SUGCT: variants seen among roughly 807,000 people sequenced by gnomAD.
SUGCT encodes succinyl-CoA:glutarate CoA-transferase.
In SUGCT, 41 loss-of-function variants were observed where a neutral mutation model predicts 55.0. The ratio of observed to expected loss-of-function variants is 0.74; its 90% CI spans 0.58 to 0.97. The LOEUF (loss-of-function observed/expected upper bound fraction) is 0.97, where lower values mean the gene tolerates loss of function less well. Ranked by LOEUF, SUGCT falls within the 50% of genes least tolerant of loss-of-function variation. The pLI, the probability that SUGCT is intolerant of heterozygous loss-of-function variation, is 0.00. For missense variants in SUGCT, 568 were observed against 547.8 expected (o/e 1.04, Z -0.37); for synonymous variants, 187 against 200.4 (o/e 0.93, Z 0.56).
intron 7 of SUGCT, among the ~76,000 whole-genome samples, chr7:40,267,058 AAAAG>A (rs1791635720): frequency 6.6e-6 from 1 of 151,818 alleles, no homozygotes; most frequent in South Asian, 2.1e-4. Context: ...AAGGAAGAAA[AAAAG>A]AAAATAACAC....
chr7:40,713,187 C>A (rs551420968), intron 12 of SUGCT, among the ~76,000 whole-genome samples: 1 of 152,356 alleles, frequency 6.6e-6, no homozygotes, highest in East Asian at 1.9e-4. Context: ...GAAGCCTCCC[C>A]TGACTGGCAC....
the SUGCT span, among the ~76,000 whole-genome samples, chr7:40,934,195 C>G: frequency 6.6e-6 from 1 of 152,184 alleles, no homozygotes; most frequent in Non-Finnish European, 1.5e-5. Context: ...AGTCAGGTCC[C>G]TCAGCTGCAG....
At chr7:40,978,315 G>A in the SUGCT span, among the ~76,000 whole-genome samples, 1 of 152,220 alleles carries the variant, frequency 6.6e-6, no homozygotes, top group Admixed American at 6.5e-5. Context: ...GGCAGGGGTT[G>A]CTCTCCAGGC....
intron 13 of SUGCT, among the ~76,000 whole-genome samples, chr7:40,824,430 T>C (rs1266912066): frequency 1.3e-5 from 2 of 150,816 alleles, no homozygotes; most frequent in East Asian, 3.9e-4. Context: ...ACAGAGCACT[T>C]GTGCAGATAA....
chr7:40,194,840 T>G, intron 5 of SUGCT, 100 bp from the exon 6 acceptor site: 55 of 1,355,582 alleles, frequency 4.1e-5, no homozygotes, highest in Non-Finnish European at 4.9e-5. Context: ...GTGATTTTTC[T>G]GAGCTATTAC....
intron 9 of SUGCT, among the ~76,000 whole-genome samples, chr7:40,404,810 G>A (rs79724794): frequency 0.043 from 6,571 of 152,088 alleles, 467 homozygotes; most frequent in African/African-American, 0.15. Flanking sequence ...ATAACTTCTC[G>A]TAGAGAAAAA....
chr7:40,394,503 G>A (rs1159108386), intron 9 of SUGCT, among the ~76,000 whole-genome samples: 2 of 151,994 alleles, frequency 1.3e-5, no homozygotes, highest in African/African-American at 4.8e-5. Flanking sequence ...GATTTATATT[G>A]TGCAACATGA....
chr7:40,448,042 C>T (rs571756384), intron 9 of SUGCT, among the ~76,000 whole-genome samples: 1 of 152,144 alleles, frequency 6.6e-6, no homozygotes, highest in African/African-American at 2.4e-5. Context: ...CCACAGGAAC[C>T]TGTCACCAAA....
rs183404187 is a variant in SUGCT, at chr7:40,806,021, A to G, written c.1154-54295A>G. On this transcript the variant is annotated intron_variant, in intron 13 of 13. Coordinates refer to ENST00000335693, the MANE Select transcript of SUGCT (RefSeq NM_001193313.2). The stretch of plus-strand genomic sequence containing the variant: ...GGGAATCTGCTGAGAAGGGATGGCT[A>G]GATATACTTTCAAATCCTCAAATAT... 3.4e-4 allele frequency among the ~76,000 whole-genome samples: 52 copies of G among 152,350 alleles called. 1 individual carries two copies. In the East Asian group the frequency reaches 0.01, roughly 29 times the overall value.
chr7:40,494,292 AC>A (rs1791856811), intron 11 of SUGCT, among the ~76,000 whole-genome samples: 2 of 152,066 alleles, frequency 1.3e-5, no homozygotes, highest in South Asian at 4.1e-4. Flanking sequence ...AGTAATTGAC[AC>A]CCTATTCGAA....
chr7:40,483,606 G>T (rs546521620), intron 11 of SUGCT, among the ~76,000 whole-genome samples: 121 of 151,948 alleles, frequency 8.0e-4, no homozygotes, highest in African/African-American at 2.8e-3. Flanking sequence ...TATAGTCCAG[G>T]AGAAGAAATT....
rs934564636 is a variant in SUGCT at position 40,391,912 on chromosome 7, A to G, written c.817-57375A>G. Among the ~76,000 whole-genome samples the G allele has an allele frequency of 3.9e-5, 6 of 152,236 alleles. No homozygotes were observed. In the East Asian group the frequency reaches 9.6e-4, roughly 24 times the overall value. Reference sequence around the variant, plus strand: ...AGGTCCATCAATGATAGACTGGATTAAGAAAATATGACACACACACACCAT... The same window carrying G: ...AGGTCCATCAATGATAGACTGGATTGAGAAAATATGACACACACACACCAT... On this transcript the variant is annotated intron_variant, in intron 9 of 13. Transcript: ENST00000335693.
At chr7:40,488,435 A>G (rs1329589208) in intron 11 of SUGCT, among the ~76,000 whole-genome samples, 1 of 152,096 alleles carries the variant, frequency 6.6e-6, no homozygotes, top group Non-Finnish European at 1.5e-5. Context: ...ATATTCTTTA[A>G]CGAATTATCA....
At position 40,275,003 on chromosome 7, in the gene SUGCT, G is replaced by A. The variant is rs138422757; in HGVS notation, c.720+347G>A. 1.1e-4 allele frequency among the ~76,000 whole-genome samples: 16 copies of A among 152,242 alleles called. No individual in the cohort carries two copies. The East Asian group carries it at 3.1e-3, about 29-fold the overall frequency. ...TTTAGTAGAGATGGGGTTTCTCCATGTCGGTCAGGCTGGTCTCGAACTCCC... is the reference window on the plus strand; with the variant it reads ...TTTAGTAGAGATGGGGTTTCTCCATATCGGTCAGGCTGGTCTCGAACTCCC... On this transcript the variant is annotated intron_variant, in intron 8 of 13. Coordinates refer to ENST00000335693, the MANE Select transcript of SUGCT (RefSeq NM_001193313.2).
the SUGCT span, among the ~76,000 whole-genome samples, chr7:40,992,357 C>A: frequency 6.6e-6 from 1 of 152,122 alleles, no homozygotes; most frequent in Non-Finnish European, 1.5e-5. Context: ...ACTTTCATGG[C>A]CATCTTGATT....
chr7:40,161,650 TG>T (rs2150645482), intron 1 of SUGCT, among the ~76,000 whole-genome samples: 1 of 152,316 alleles, frequency 6.6e-6, no homozygotes, highest in South Asian at 2.1e-4. Context: ...AGGGATCTTT[TG>T]GGTTTGTGAG....
intron 7 of SUGCT, among the ~76,000 whole-genome samples, chr7:40,262,631 C>T (rs1417363910): frequency 1.3e-5 from 2 of 151,902 alleles, no homozygotes; most frequent in Non-Finnish European, 2.9e-5. Flanking sequence ...TACCACTGCA[C>T]TCCAGCCTGG....
intron 13 of SUGCT, among the ~76,000 whole-genome samples, chr7:40,810,805 GC>G (rs1791369283): frequency 6.6e-6 from 1 of 152,030 alleles, no homozygotes; most frequent in African/African-American, 2.4e-5. Flanking sequence ...TGTTGCAATT[GC>G]TTTTGAGGAC....
chr7:40,787,209 TAAGTTTTCA>T (rs1260411298), intron 13 of SUGCT, among the ~76,000 whole-genome samples: 1 of 152,092 alleles, frequency 6.6e-6, no homozygotes, highest in Non-Finnish European at 1.5e-5. Flanking sequence ...AAAAACTGGA[TAAGTTTTCA>T]AAAATCTGTT....
Sources: allele counts gnomAD v4.1 joint callset (sites outside exome capture counted in the v4.1 genomes callset), GRCh38; gene constraint gnomAD v4.1.1; transcripts MANE v1.5; gene names NCBI Gene and HGNC (gene_info 2026-07-23, HGNC 2026-07-21).